Variants in PCNX1 observed in about 807,000 individuals in gnomAD.
The protein encoded by PCNX1 is pecanex-like protein 1.
A neutral mutation model predicts 242.2 loss-of-function variants in PCNX1; 78 were observed. The observed-to-expected ratio is 0.32, with a 90% CI of 0.27 to 0.39. PCNX1 has a LOEUF of 0.39. Among genes scored for constraint, PCNX1 ranks in the 10% least tolerant of loss-of-function variants. PCNX1 has a pLI of 1.00. For missense variants in PCNX1, 2,581 were observed against 2,856.5 expected (o/e 0.90, Z 2.20); for synonymous variants, 1,024 against 1,032.9 (o/e 0.99, Z 0.17).
intron 23 of PCNX1, 72 bp from the exon 24 acceptor site, chr14:71,051,811 A>G: frequency 1.4e-6 from 2 of 1,453,726 alleles, no homozygotes; most frequent in Non-Finnish European, 1.9e-6. Flanking sequence ...TGTGTCTGCT[A>G]GGTTTTTGCG....
chr14:71,098,509 C>CATGT (rs2062362215), intron 30 of PCNX1, among the ~76,000 whole-genome samples: 1 of 128,610 alleles, frequency 7.8e-6, no homozygotes, highest in Non-Finnish European at 1.6e-5. Context: ...TAGATGTATT[C>CATGT]GTGTGTGTGT....
Position 70,977,003 on chromosome 14 carries a change from G to T in PCNX1, c.666G>T (p.Gln222His). 1.2e-6 allele frequency: 2 copies of T among 1,614,078 alleles called. No individual in the cohort carries two copies. Among genetic ancestry groups the T allele is most frequent in the Non-Finnish European group, 1.7e-6 (2 of 1,179,986 alleles). Residue 222 changes from glutamine (Q) to histidine (H), a missense_variant, in exon 6 of 36, where the codon CAG becomes CAT. Gln to His is a conservative substitution (Grantham distance 24). Coordinates refer to ENST00000304743, the MANE Select transcript of PCNX1 (RefSeq NM_014982.3). The stretch of plus-strand genomic sequence containing the variant: ...CCAATGACTCCTTCATCTCTATTCA[G>T]CCTTCCTTATCCTCTTGTGGACAGG... The part of the protein sequence containing the change: ...LVSNDSFISI[Q>H]PSLSSCGQDL...
At chr14:70,947,538 AT>A (rs1248796796) in intron 2 of PCNX1, among the ~76,000 whole-genome samples, 3 of 152,200 alleles carry the variant, frequency 2.0e-5, no homozygotes, top group African/African-American at 7.2e-5. Context: ...TTTCATGGAC[AT>A]TTATCACTTC....
chr14:70,933,932 G>C (rs2056900205), intron 1 of PCNX1, among the ~76,000 whole-genome samples: 1 of 152,188 alleles, frequency 6.6e-6, no homozygotes, highest in Non-Finnish European at 1.5e-5. Flanking sequence ...TATTAAGGAA[G>C]CAGGCTTTGG....
chr14:71,056,005 C>T (rs1036208364), intron 25 of PCNX1, among the ~76,000 whole-genome samples: 16 of 152,022 alleles, frequency 1.1e-4, no homozygotes, highest in Admixed American at 7.2e-4. Context: ...AGCATATAGC[C>T]AGTCAGGATA....
intron 1 of PCNX1, among the ~76,000 whole-genome samples, chr14:70,919,427 TTC>T (rs1174527383): frequency 6.6e-6 from 1 of 152,148 alleles, no homozygotes; most frequent in African/African-American, 2.4e-5. Flanking sequence ...GAGTGCCTCC[TTC>T]TGTTATCTGA....
chr14:71,038,393 C>T (rs1645211232), intron 19 of PCNX1, among the ~76,000 whole-genome samples: 3 of 144,560 alleles, frequency 2.1e-5, no homozygotes, highest in Admixed American at 2.1e-4. Context: ...AAACAAACAA[C>T]CCCATCAAAA....
At position 70,977,155 on chromosome 14, in the gene PCNX1, C is replaced by G. The variant is rs2058712464; in HGVS notation, c.818C>G (p.Ser273Cys). ...TCTCTTGTACCTTTACACTCACACT[C>G]TTATAGAAAAGACCACCGGCCGCGA... Reference protein sequence around the residue: ...VASLVPLHSHSYRKDHRPRGV... With the variant: ...VASLVPLHSHCYRKDHRPRGV... The change falls in exon 6 of 36, where the codon TCT (serine) becomes TGT (cysteine). Residue 273 changes from serine to cysteine, a missense_variant. This residue lies in a region of PCNX1 where 1,204 missense variants were observed against 1,216.7 expected (regional missense o/e 0.99). Coordinates refer to ENST00000304743, the MANE Select transcript of PCNX1 (RefSeq NM_014982.3). 6 of 1,614,150 alleles carry G rather than the reference C, an allele frequency of 3.7e-6. No individual in the cohort carries two copies. The highest frequency in any genetic ancestry group is 5.1e-6 in the Non-Finnish European group (6 of 1,180,020).
intron 30 of PCNX1, among the ~76,000 whole-genome samples, chr14:71,097,503 G>T (rs749129938): frequency 6.6e-6 from 1 of 152,138 alleles, no homozygotes; most frequent in Admixed American, 6.5e-5. Flanking sequence ...ATTCTGACTG[G>T]TGTGAGATGG....
chr14:71,007,537 TCTTA>T (rs1210970909), intron 8 of PCNX1, among the ~76,000 whole-genome samples: 2 of 152,180 alleles, frequency 1.3e-5, no homozygotes, highest in South Asian at 2.1e-4. Context: ...TGCATTCTGT[TCTTA>T]CTGAGTTTCA....
intron 20 of PCNX1, among the ~76,000 whole-genome samples, chr14:71,046,696 A>G (rs2060870246): frequency 6.6e-6 from 1 of 152,122 alleles, no homozygotes; most frequent in South Asian, 2.1e-4. Flanking sequence ...TCAATAAGTT[A>G]TAAGCATAAA....
rs17108788 is a variant in PCNX1 at position 70,965,065 on chromosome 14, T to C, written c.468+2734T>C. Among the ~76,000 whole-genome samples the C allele has an allele frequency of 8.6e-3, 1,315 of 152,330 alleles. 25 individuals are homozygous for C. Among genetic ancestry groups the C allele is most frequent in the African/African-American group, 0.03 (1,240 of 41,564 alleles). ...CACATTATCATATTTTATATAAATT[T>C]GTTGGGTACTAAACAGTGAACCCAC... On this transcript the variant is annotated intron_variant, in intron 3 of 35. Transcript: ENST00000304743.
rs1478939078 is a variant in PCNX1, at chr14:70,995,776, C to T, written c.2480C>T (p.Ala827Val). ...GGTCAGCAAGGCCAGCAGTCCACAG[C>T]CCAGGTCAAAGTCCAGTCCCGCCCC... ...QDGQQGQQST[A>V]QVKVQSRPPS... Residue 827 changes from alanine to valine, a missense_variant, in exon 8 of 36, where the codon GCC becomes GTC. Physicochemically the swap from Ala to Val is moderately conservative, Grantham distance 64. Around this residue, in one of 9 missense-constraint regions of PCNX1, gnomAD observed 1,204 missense variants for 1,216.7 expected, o/e 0.99. Transcript: ENST00000304743. The T allele has an allele frequency of 6.2e-7, 1 of 1,614,088 alleles. No homozygotes were observed. The highest frequency in any genetic ancestry group is 1.7e-5 in the Admixed American group (1 of 60,022).
chr14:70,982,665 A>C (rs184232977), intron 6 of PCNX1, among the ~76,000 whole-genome samples: 1 of 152,244 alleles, frequency 6.6e-6, no homozygotes, highest in Non-Finnish European at 1.5e-5. Context: ...CCTTTACAAC[A>C]ATATCAAGAA....
At chr14:70,917,736 C>T (rs2056206469) in intron 1 of PCNX1, among the ~76,000 whole-genome samples, 1 of 152,162 alleles carries the variant, frequency 6.6e-6, no homozygotes, top group South Asian at 2.1e-4. Context: ...TCACCAGTTG[C>T]ATTAGACACT....
intron 2 of PCNX1, among the ~76,000 whole-genome samples, chr14:70,949,034 A>G (rs1339893611): frequency 6.7e-6 from 1 of 148,878 alleles, no homozygotes; most frequent in Non-Finnish European, 1.5e-5. Flanking sequence ...GTGTGTGTAT[A>G]TATACACATG....
intron 5 of PCNX1, among the ~76,000 whole-genome samples, chr14:70,976,372 C>CTTTTTT (rs869087088): frequency 1.2e-5 from 1 of 82,694 alleles, no homozygotes; most frequent in Non-Finnish European, 2.6e-5. Flanking sequence ...TTCTTTCTTT[C>CTTTTTT]TTTTTTTTTT....
chr14:71,022,180 GA>G (rs746037648), intron 12 of PCNX1, among the ~76,000 whole-genome samples: 1 of 152,072 alleles, frequency 6.6e-6, no homozygotes, highest in Non-Finnish European at 1.5e-5. Flanking sequence ...TCCCTTTGAT[GA>G]CATTTAATGA....
intron 27 of PCNX1, 58 bp from the exon 28 acceptor site, chr14:71,076,131 A>G: frequency 3.0e-6 from 3 of 1,004,322 alleles, no homozygotes; most frequent in Non-Finnish European, 4.7e-6. Context: ...GAGTAATCTG[A>G]GTTAATTGAA....
Sources: allele counts gnomAD v4.1 joint callset (sites outside exome capture counted in the v4.1 genomes callset), GRCh38; gene constraint gnomAD v4.1.1; regional missense constraint gnomAD v4.1.1; transcripts MANE v1.5; gene names NCBI Gene and HGNC (gene_info 2026-07-23, HGNC 2026-07-21).